Variants in SMAD3 observed in about 807,000 individuals in gnomAD.
SMAD3 encodes MAD homolog 3.
A neutral mutation model predicts 51.8 loss-of-function variants in SMAD3; 12 were observed. The ratio of observed to expected loss-of-function variants is 0.23; its 90% CI spans 0.15 to 0.38. The LOEUF (loss-of-function observed/expected upper bound fraction) is 0.38. SMAD3 is among the 10% of genes least tolerant of loss of function. The pLI is 1.00. For missense variants in SMAD3, 294 were observed against 565.6 expected (o/e 0.52, Z 4.87); for synonymous variants, 238 against 227.7 (o/e 1.05, Z -0.41).
At chr15:67,118,314 G>C (rs1961181929) in intron 1 of SMAD3, among the ~76,000 whole-genome samples, 1 of 152,212 alleles carries the variant, frequency 6.6e-6, no homozygotes, top group Non-Finnish European at 1.5e-5. Flanking sequence ...TAAAGATATG[G>C]ATAGCGCTTT....
intron 1 of SMAD3, among the ~76,000 whole-genome samples, chr15:67,143,574 A>G (rs1294226947): frequency 6.6e-6 from 1 of 152,184 alleles, no homozygotes; most frequent in Non-Finnish European, 1.5e-5. Flanking sequence ...AGCTGGGACT[A>G]CAGGCATACA....
chr15:67,165,126 C>T (rs941428088), intron 2 of SMAD3, 38 bp downstream of exon 2: 3 of 1,611,642 alleles, frequency 1.9e-6, no homozygotes, highest in South Asian at 1.1e-5. Context: ...CAGCAGGTGC[C>T]AGGGGTCATC....
At chr15:67,096,578 C>T (rs1246172264) in intron 1 of SMAD3, among the ~76,000 whole-genome samples, 1 of 151,582 alleles carries the variant, frequency 6.6e-6, no homozygotes, top group Non-Finnish European at 1.5e-5. Context: ...TACCATGACA[C>T]ATCAAGAGAG....
At chr15:67,108,316 A>G (rs1395709450) in intron 1 of SMAD3, among the ~76,000 whole-genome samples, 1 of 152,186 alleles carries the variant, frequency 6.6e-6, no homozygotes, top group East Asian at 1.9e-4. Flanking sequence ...GAAAATGACC[A>G]TGCTTTGCCC....
intron 1 of SMAD3, among the ~76,000 whole-genome samples, chr15:67,161,484 C>T (rs1962430321): frequency 6.6e-6 from 1 of 152,226 alleles, no homozygotes; most frequent in Non-Finnish European, 1.5e-5. Flanking sequence ...CCAAGGCCTT[C>T]TCTTGCAGAG....
At chr15:67,144,397 ATTAT>A (rs1398986834) in intron 1 of SMAD3, among the ~76,000 whole-genome samples, 5 of 151,872 alleles carry the variant, frequency 3.3e-5, no homozygotes, top group African/African-American at 4.8e-5. Context: ...ATCTTCAGGG[ATTAT>A]TTATTTTCAT....
chr15:67,107,924 A>G (rs997929775), intron 1 of SMAD3, among the ~76,000 whole-genome samples: 12 of 151,942 alleles, frequency 7.9e-5, no homozygotes, highest in Non-Finnish European at 1.6e-4. Flanking sequence ...CTGGGCCTCC[A>G]GGTCATCTCC....
intron 1 of SMAD3, among the ~76,000 whole-genome samples, chr15:67,113,127 A>G (rs1961058576): frequency 9.3e-6 from 1 of 107,288 alleles, no homozygotes; most frequent in Non-Finnish European, 1.9e-5. Flanking sequence ...TCTGTCACCC[A>G]GGCTGGAGTG....
intron 1 of SMAD3, among the ~76,000 whole-genome samples, chr15:67,160,363 T>TA (rs936932299): frequency 6.6e-6 from 1 of 152,246 alleles, no homozygotes; most frequent in Admixed American, 6.5e-5. Flanking sequence ...TATCTCATTG[T>TA]AGTTTTAATT....
chr15:67,150,217 G>A (rs11637816), intron 1 of SMAD3, among the ~76,000 whole-genome samples: 38,841 of 152,106 alleles, frequency 0.26, 5,131 homozygotes, highest in East Asian at 0.41. Flanking sequence ...TGCATGTTAT[G>A]CAGCACTTGT....
chr15:67,071,665 A>G (rs1304263825), intron 1 of SMAD3, among the ~76,000 whole-genome samples: 1 of 152,268 alleles, frequency 6.6e-6, no homozygotes, highest in African/African-American at 2.4e-5. Context: ...CAAAAAAATT[A>G]GCCGAGCTTG....
intron 1 of SMAD3, among the ~76,000 whole-genome samples, chr15:67,129,702 A>C (rs55993214): frequency 0.069 from 10,488 of 152,304 alleles, 386 homozygotes; most frequent in Non-Finnish European, 0.08. Context: ...AGAGAGGGTG[A>C]AATTAATTTT....
intron 1 of SMAD3, chr15:67,142,909 C>G (rs564800645): frequency 4.5e-6 from 2 of 441,598 alleles, no homozygotes; most frequent in Non-Finnish European, 9.1e-6. Flanking sequence ...TCTGCATACC[C>G]GTCGGCTCAC....
At chr15:67,152,833 A>G (rs1962181825) in intron 1 of SMAD3, among the ~76,000 whole-genome samples, 2 of 152,218 alleles carry the variant, frequency 1.3e-5, no homozygotes, top group Admixed American at 1.3e-4. Flanking sequence ...CTTGGAGAAA[A>G]AAGTTTGTGA....
chr15:67,113,096 T>TATATATATATATATATATATATATA lies in SMAD3; in HGVS notation c.206+46736_206+46737insATATATATATATATATATATATATA, dbSNP rs58255931. Among the ~76,000 whole-genome samples the TATATATATATATATATATATATATA allele has an allele frequency of 6.1e-4, 53 of 86,880 alleles. 3 individuals carry two copies. The highest frequency in any genetic ancestry group is 4.8e-3 in the Middle Eastern group (1 of 208). The allele number at this position is 86,880 out of a possible 152,430, so 57.0% of individuals were successfully genotyped here. ...TATGTGTATATATATATATATATAT[T>TATATATATATATATATATATATATA]TTTTTGAGACAGAGTCTTGCTCTGT... On this transcript the variant is annotated intron_variant, in intron 1 of 8. Transcript: ENST00000327367.
At chr15:67,070,228 GGGAGGTGGT>G (rs1369726206) in intron 1 of SMAD3, among the ~76,000 whole-genome samples, 1 of 152,188 alleles carries the variant, frequency 6.6e-6, no homozygotes, top group Non-Finnish European at 1.5e-5. Flanking sequence ...CCAGCTGCTA[GGGAGGTGGT>G]CCATTATCTC....
At chr15:67,168,975 A>G (rs1035148415) in intron 4 of SMAD3, among the ~76,000 whole-genome samples, 6 of 152,094 alleles carry the variant, frequency 3.9e-5, no homozygotes, top group Non-Finnish European at 5.9e-5. Flanking sequence ...TAGACTTGTG[A>G]GAAGGCCCCT....
intron 1 of SMAD3, among the ~76,000 whole-genome samples, chr15:67,156,893 TCTG>T (rs1962297269): frequency 6.6e-6 from 1 of 152,192 alleles, no homozygotes. Context: ...GTCTGTCCCT[TCTG>T]CTCACATTCC....
intron 5 of SMAD3, among the ~76,000 whole-genome samples, chr15:67,177,255 C>G (rs1962925887): frequency 2.0e-5 from 3 of 152,072 alleles, no homozygotes; most frequent in African/African-American, 4.8e-5. Context: ...TTTGTCTTGT[C>G]TACTAGGAAG....
Sources: gnomAD v4.1 joint callset for allele counts (sites outside exome capture counted in the v4.1 genomes callset) on GRCh38, gnomAD v4.1.1 for gene constraint, MANE v1.5 for transcripts, NCBI Gene and HGNC (gene_info 2026-07-23, HGNC 2026-07-21) for gene names.